TMEM63C: variants seen among roughly 807,000 people sequenced by gnomAD.
The protein encoded by TMEM63C is osmosensitive cation channel TMEM63C.
TMEM63C carries 32 observed loss-of-function variants against 99.2 expected under a neutral mutation model. The ratio of observed to expected loss-of-function variants is 0.32; its 90% confidence interval spans 0.24 to 0.43. The LOEUF (loss-of-function observed/expected upper bound fraction) is 0.43. Ranked by LOEUF, TMEM63C falls within the 20% of genes least tolerant of loss-of-function variation. The pLI, the probability that TMEM63C is intolerant of heterozygous loss-of-function variation, is 1.00. For synonymous variants in TMEM63C, 376 were observed against 397.9 expected (o/e 0.94, Z 0.66); for missense variants, 826 against 1,053.0 (o/e 0.78, Z 2.98).
intron 7 of TMEM63C, among the ~76,000 whole-genome samples, chr14:77,232,759 A>G (rs917131390): frequency 6.6e-6 from 1 of 152,240 alleles, no homozygotes; most frequent in African/African-American, 2.4e-5. Context: ...ATGAAGCTGA[A>G]TGGAGCTGTA....
chr14:77,195,712 C>T (rs1035841569), intron 1 of TMEM63C, among the ~76,000 whole-genome samples: 10 of 152,212 alleles, frequency 6.6e-5, no homozygotes, highest in African/African-American at 1.4e-4. Flanking sequence ...TCCAGCTCAG[C>T]AGGGGAAGTG....
rs1405668125 is a variant in TMEM63C, at chr14:77,239,765, G to T, written c.930+39G>T. On this transcript the variant is annotated intron_variant, in intron 12 of 23. Coordinates refer to ENST00000298351, the MANE Select transcript of TMEM63C (RefSeq NM_020431.4). Reference sequence around the variant, plus strand: ...GCGTTGGGAGCACAGCAAGGGAGCGGTGGGGTCCTGGGGCTCTAGGCTCTG... The same window carrying T: ...GCGTTGGGAGCACAGCAAGGGAGCGTTGGGGTCCTGGGGCTCTAGGCTCTG... 1.1e-5 allele frequency: 17 copies of T among 1,605,720 alleles called. 2 individuals carry two copies. The South Asian group carries it at 1.9e-4, about 18-fold the overall frequency.
chr14:77,233,519 C>T lies in TMEM63C; in HGVS notation c.542+19C>T, dbSNP rs1888982203. 1 of 1,612,486 alleles carries T rather than the reference C, an allele frequency of 6.2e-7. No homozygotes were observed. The highest frequency in any genetic ancestry group is 1.7e-5 in the Admixed American group (1 of 59,892). ...CCACAGAGTAGGTACCTGATCTTAA[C>T]CTCCCATTCCATTGGCTGGGGGTGT... On this transcript the variant is annotated intron_variant, in intron 8 of 23. Transcript: ENST00000298351.
chr14:77,256,763 G>C lies in TMEM63C; in HGVS notation c.*37G>C, dbSNP rs200653888. 5 of 1,597,774 alleles carry C rather than the reference G, an allele frequency of 3.1e-6. No individual in the cohort carries two copies. In the African/African-American group the frequency reaches 6.7e-5, roughly 21 times the overall value. ...GGCCTCCACTGGCGACTTGTTGAGG[G>C]GTCAGGGGAGGGCCTGGCAAGGGGA... is the stretch of plus-strand genomic sequence containing the variant. On this transcript the variant is annotated 3_prime_UTR_variant, in exon 24 of 24. Coordinates refer to ENST00000298351, the MANE Select transcript of TMEM63C (RefSeq NM_020431.4).
chr14:77,242,960 C>T lies in TMEM63C; in HGVS notation c.1245C>T (p.Thr415=). 3.1e-6 allele frequency: 5 copies of T among 1,614,050 alleles called. No individual in the cohort carries two copies. The highest frequency in any genetic ancestry group is 3.4e-6 in the Non-Finnish European group (4 of 1,179,904). ...GGGCCCGCTTTATCGCAATCAACACCTTCCTCTTCTTCCTCTTCTTCTTTC... is the reference window on the plus strand; with the variant it reads ...GGGCCCGCTTTATCGCAATCAACACTTTCCTCTTCTTCCTCTTCTTCTTTC... The part of the protein sequence containing the change: ...FWWARFIAIN[T]FLFFLFFFLT... The change falls in exon 15 of 24, where the codon ACC becomes ACT. Residue 415 remains threonine (T), a synonymous_variant. Coordinates refer to ENST00000298351, the MANE Select transcript of TMEM63C (RefSeq NM_020431.4).
intron 23 of TMEM63C, among the ~76,000 whole-genome samples, chr14:77,255,967 G>A (rs2140135667): frequency 6.6e-6 from 1 of 152,324 alleles, no homozygotes; most frequent in African/African-American, 2.4e-5. Flanking sequence ...AGCCACTTCA[G>A]AGGATGACAA....
chr14:77,199,393 G>T (rs1044006139), intron 1 of TMEM63C, among the ~76,000 whole-genome samples: 1 of 152,162 alleles, frequency 6.6e-6, no homozygotes, highest in Non-Finnish European at 1.5e-5. Context: ...CCGAGATTCA[G>T]GGCCTCATGA....
intron 9 of TMEM63C, among the ~76,000 whole-genome samples, chr14:77,237,320 G>C (rs1387032458): frequency 6.6e-6 from 1 of 152,030 alleles, no homozygotes; most frequent in Non-Finnish European, 1.5e-5. Context: ...GCAGTCTCTC[G>C]GAGATCAGAG....
intron 1 of TMEM63C, among the ~76,000 whole-genome samples, chr14:77,184,435 G>A (rs748004629): frequency 6.6e-6 from 1 of 152,128 alleles, no homozygotes; most frequent in African/African-American, 2.4e-5. Context: ...CTCAACTCTC[G>A]AATTCCACGA....
chr14:77,207,164 G>A (rs548889688), intron 1 of TMEM63C, among the ~76,000 whole-genome samples: 1 of 152,308 alleles, frequency 6.6e-6, no homozygotes, highest in African/African-American at 2.4e-5. Flanking sequence ...GGGTCTGGAG[G>A]ACAAGGAAAA....
chr14:77,245,874 C>A, intron 16 of TMEM63C, 66 bp from the exon 17 acceptor site: 1 of 1,159,436 alleles, frequency 8.6e-7, no homozygotes, highest in Non-Finnish European at 1.3e-6. Flanking sequence ...CTCTCTATTA[C>A]ATAGTTAGGC....
Position 77,233,451 on chromosome 14 carries a change from G to A in TMEM63C, c.494-1G>A. The A allele has an allele frequency of 1.2e-6, 2 of 1,613,204 alleles. No individual in the cohort carries two copies. The highest frequency in any genetic ancestry group is 1.7e-6 in the Non-Finnish European group (2 of 1,179,660). On this transcript the variant is annotated splice_acceptor_variant, in intron 7 of 23. Coordinates refer to ENST00000298351, the MANE Select transcript of TMEM63C (RefSeq NM_020431.4). LOFTEE classifies it high-confidence loss of function. ...AGGTCAGCAACTTCTTTCTCTTTCA[G>A]ACTGGAGCAGTCACTTTGCTCGGAC...
rs773769739 is a variant in TMEM63C at position 77,219,536 on chromosome 14, G to C, written c.189G>C (p.Ala63=). The C allele has an allele frequency of 6.2e-7, 1 of 1,613,872 alleles. No individual in the cohort carries two copies. Among genetic ancestry groups the C allele is most frequent in the African/African-American group, 1.3e-5 (1 of 74,942 alleles). The change falls in exon 4 of 24, where the codon GCG becomes GCC. Residue 63 remains alanine (A), a synonymous_variant. Coordinates refer to ENST00000298351, the MANE Select transcript of TMEM63C (RefSeq NM_020431.4). ...TTTACTCCTTCCTCCGGAAAGCTGC[G>C]TGGGACTATGGGCGCCTGGCTCTGC... ...LVVYSFLRKA[A]WDYGRLALLI...
At chr14:77,185,980 A>G (rs952625852) in intron 1 of TMEM63C, among the ~76,000 whole-genome samples, 1 of 150,602 alleles carries the variant, frequency 6.6e-6, no homozygotes, top group East Asian at 2.0e-4. Context: ...CCAGCTGTCC[A>G]GGGACCCCTG....
intron 8 of TMEM63C, among the ~76,000 whole-genome samples, chr14:77,234,198 C>CA (rs1467708009): frequency 1.3e-5 from 2 of 152,238 alleles, no homozygotes; most frequent in Non-Finnish European, 2.9e-5. Context: ...GCTGCAGAAG[C>CA]AGCTCCAGCA....
At chr14:77,247,326 G>A (rs769599079) in intron 18 of TMEM63C, among the ~76,000 whole-genome samples, 5 of 151,944 alleles carry the variant, frequency 3.3e-5, no homozygotes, top group African/African-American at 1.2e-4. Flanking sequence ...TCAGCCTGCC[G>A]AGTAGCTGAG....
intron 5 of TMEM63C, among the ~76,000 whole-genome samples, chr14:77,224,440 G>A (rs1888781821): frequency 6.6e-6 from 1 of 152,000 alleles, no homozygotes; most frequent in Non-Finnish European, 1.5e-5. Flanking sequence ...ACCCAAATGG[G>A]GCCAATCTAG....
chr14:77,249,475 C>A lies in TMEM63C; in HGVS notation c.2038+17C>A. 6.2e-7 allele frequency: 1 copy of A among 1,612,528 alleles called. No homozygotes were observed. The highest frequency in any genetic ancestry group is 1.3e-5 in the African/African-American group (1 of 75,034). The stretch of plus-strand genomic sequence containing the variant: ...TGCGGTTGGGTAGGTACCAAGCCAG[C>A]CTGGAGACCCCACCTCCACCTGCCC... On this transcript the variant is annotated intron_variant, in intron 21 of 23. Transcript: ENST00000298351.
At chr14:77,227,485 G>A (rs962399501) in intron 6 of TMEM63C, among the ~76,000 whole-genome samples, 1 of 152,242 alleles carries the variant, frequency 6.6e-6, no homozygotes, top group Non-Finnish European at 1.5e-5. Context: ...CAAAGGAGCT[G>A]TTGAAAAAAC....
Sources: allele counts gnomAD v4.1 joint callset (sites outside exome capture counted in the v4.1 genomes callset), GRCh38; gene constraint gnomAD v4.1.1; transcripts MANE v1.5; gene names NCBI Gene and HGNC (gene_info 2026-07-23, HGNC 2026-07-21).